TMPRSS7: variants seen among roughly 807,000 people sequenced by gnomAD.
The protein encoded by TMPRSS7 is transmembrane serine protease 7.
TMPRSS7 carries 81 observed loss-of-function variants against 95.6 expected under a neutral mutation model. That is an observed-to-expected ratio of 0.85 (90% CI 0.71 to 1.02). The LOEUF is 1.02. Ranked by LOEUF, TMPRSS7 falls within the 50% of genes least tolerant of loss-of-function variation. The pLI, the probability that TMPRSS7 is intolerant of heterozygous loss-of-function variation, is 0.00. For synonymous variants in TMPRSS7, 364 were observed against 337.8 expected, an observed-to-expected ratio of 1.08 and a Z score of -0.85; for missense variants, 945 against 955.2, an observed-to-expected ratio of 0.99 and a Z score of 0.14.
chr3:112,047,173 G>A (rs2073289367), intron 6 of TMPRSS7, among the ~76,000 whole-genome samples, 161 bp downstream of exon 6: 1 of 152,188 alleles, frequency 6.6e-6, no homozygotes, highest in African/African-American at 2.4e-5. Flanking sequence ...ACTGGCTCAT[G>A]TAAGTGGGAC....
chr3:112,040,111 A>T (rs998365626), intron 2 of TMPRSS7, among the ~76,000 whole-genome samples: 1 of 152,052 alleles, frequency 6.6e-6, no homozygotes, highest in African/African-American at 2.4e-5. Flanking sequence ...GTACTCTCAG[A>T]GATATGAAAA....
chr3:112,045,804 A>G (rs1210905632), exon 5 of TMPRSS7: 3 of 1,551,640 alleles, frequency 1.9e-6, no homozygotes, highest in South Asian at 2.4e-5. Flanking sequence ...TTGTCATGCC[A>G]CGTGCCAAAG....
chr3:112,053,866 C>T (rs2073396571), intron 9 of TMPRSS7, among the ~76,000 whole-genome samples: 1 of 152,208 alleles, frequency 6.6e-6, no homozygotes, highest in African/African-American at 2.4e-5. Context: ...CTTAGCTGAA[C>T]ATTTACCACC....
chr3:112,076,980 A>G (rs1386170153), exon 16 of TMPRSS7: 2 of 1,614,156 alleles, frequency 1.2e-6, no homozygotes, highest in Admixed American at 1.7e-5. Context: ...GAGTACTATA[A>G]CAGTCAGACT....
intron 2 of TMPRSS7, among the ~76,000 whole-genome samples, chr3:112,039,121 T>C (rs1198694290): frequency 6.6e-6 from 1 of 152,238 alleles, no homozygotes; most frequent in Non-Finnish European, 1.5e-5. Flanking sequence ...CTGATCCTTT[T>C]GGACAGGTGT....
rs1234667139 is a variant in TMPRSS7 at position 112,038,324 on chromosome 3, A to G, written c.298+3A>G. On this transcript the variant is annotated splice_donor_region_variant and intron_variant, in intron 2 of 17. Coordinates refer to ENST00000452346, the Ensembl canonical transcript of TMPRSS7. ...GACACTTCTGTGGCTGTATATCAGT[A>G]AGTTAAAAATCTGTGTTTCTTTGGG... 22 of 700,970 alleles carry G rather than the reference A, an allele frequency of 3.1e-5. No homozygotes were observed. Among genetic ancestry groups the G allele is most frequent in the Non-Finnish European group, 5.5e-5 (21 of 383,810 alleles). 43.4% of individuals were successfully genotyped at this position (700,970 alleles called of 1,614,324 possible). A position where few individuals can be genotyped will look rare whatever the true frequency, so the allele number is the denominator to read the frequency against.
chr3:112,068,721 G>T (rs1285579190), intron 13 of TMPRSS7, among the ~76,000 whole-genome samples: 1 of 152,036 alleles, frequency 6.6e-6, no homozygotes, highest in Non-Finnish European at 1.5e-5. Context: ...GGAGATTTTG[G>T]GCTGAGATGA....
chr3:112,034,930 G>A (rs1445331955), intron 1 of TMPRSS7, 37 bp downstream of exon 1: 2 of 702,606 alleles, frequency 2.8e-6, no homozygotes, highest in South Asian at 3.0e-5. Flanking sequence ...TTACTTGAAT[G>A]CCATTTATTG....
At chr3:112,047,631 CCTTCACATGACCTCTTTTGCCCTTTACT>C in intron 6 of TMPRSS7, 80 bp from the exon 7 acceptor site, 1 of 835,530 alleles carries the variant, frequency 1.2e-6, no homozygotes, top group Non-Finnish European at 1.9e-6. Context: ...GGCCATATGT[CCTTCACATGACCTCTTTTGCCCTTTACT>C]TTTCTATAAA....
intron 9 of TMPRSS7, among the ~76,000 whole-genome samples, chr3:112,055,598 C>T (rs558627922): frequency 1.3e-5 from 2 of 152,068 alleles, no homozygotes; most frequent in Non-Finnish European, 2.9e-5. Flanking sequence ...TTACCTAAAA[C>T]TGAACTTTAT....
intron 9 of TMPRSS7, among the ~76,000 whole-genome samples, chr3:112,055,330 C>A (rs2073419093): frequency 1.3e-5 from 2 of 152,060 alleles, no homozygotes; most frequent in Admixed American, 6.6e-5. Flanking sequence ...ACCTGCACAA[C>A]AGGGTTGTTG....
chr3:112,064,564 G>A (rs200085692), intron 12 of TMPRSS7, among the ~76,000 whole-genome samples: 1 of 143,202 alleles, frequency 7.0e-6, no homozygotes, highest in Non-Finnish European at 1.5e-5. Flanking sequence ...AAACTGCCCA[G>A]GCTGCCCAGG....
At chr3:112,048,369 A>T (rs1170337867) in intron 7 of TMPRSS7, among the ~76,000 whole-genome samples, 1 of 152,256 alleles carries the variant, frequency 6.6e-6, no homozygotes, top group Non-Finnish European at 1.5e-5. Context: ...CAAAGATAAC[A>T]CATGTTTATT....
chr3:112,068,350 G>A (rs113781723), intron 13 of TMPRSS7, among the ~76,000 whole-genome samples: 4,563 of 152,186 alleles, frequency 0.03, 192 homozygotes, highest in African/African-American at 0.088. Flanking sequence ...GTGTTTTCCA[G>A]TTCTGCGAAG....
intron 15 of TMPRSS7, 34 bp from the exon 16 acceptor site, chr3:112,076,842 C>T (rs748259475): frequency 6.3e-7 from 1 of 1,599,968 alleles, no homozygotes; most frequent in South Asian, 1.1e-5. Flanking sequence ...GTTCTTTAAG[C>T]TGCTAACTTT....
chr3:112,053,148 CT>C (rs36116457), intron 9 of TMPRSS7, among the ~76,000 whole-genome samples: 39,810 of 147,766 alleles, frequency 0.27, 5,339 homozygotes, highest in Middle Eastern at 0.29. Flanking sequence ...GTAAAATTGA[CT>C]TTTTTTTTCA....
chr3:112,069,558 G>T (rs1358676935), intron 13 of TMPRSS7, among the ~76,000 whole-genome samples: 4 of 152,162 alleles, frequency 2.6e-5, no homozygotes, highest in African/African-American at 4.8e-5. Flanking sequence ...TCTTGGGAGG[G>T]TATATGTGTC....
intron 13 of TMPRSS7, among the ~76,000 whole-genome samples, chr3:112,069,739 C>G (rs111697619): frequency 0.03 from 4,538 of 152,048 alleles, 189 homozygotes; most frequent in African/African-American, 0.088. Context: ...ATCTTGCTAG[C>G]GGTCTATCAA....
chr3:112,049,702 G>T, intron 7 of TMPRSS7, 142 bp from the exon 8 acceptor site: 1 of 600,600 alleles, frequency 1.7e-6, no homozygotes, highest in Admixed American at 3.6e-5. Flanking sequence ...AATGGATGAG[G>T]ATCTGGCTGG....
Sources: allele counts gnomAD v4.1 joint callset (sites outside exome capture counted in the v4.1 genomes callset), GRCh38; gene constraint gnomAD v4.1.1; transcripts MANE v1.5; gene names NCBI Gene and HGNC (gene_info 2026-07-23, HGNC 2026-07-21).